Variants in KLK15 observed in about 807,000 individuals in gnomAD.
KLK15 encodes the protein kallikrein-15.
Under a neutral mutation model 21.1 loss-of-function variants are expected in KLK15, and 19 were observed. The ratio of observed to expected loss-of-function variants is 0.90; its 90% CI spans 0.63 to 1.32. The LOEUF (loss-of-function observed/expected upper bound fraction) is 1.32, where lower values mean the gene tolerates loss of function less well. Among genes scored for constraint, KLK15 ranks in the 40% most tolerant of loss-of-function variants. The pLI, the probability that KLK15 is intolerant of heterozygous loss-of-function variation, is 0.00. For synonymous variants in KLK15, 141 were observed against 141.5 expected, an observed-to-expected ratio of 1.00 and a Z score of 0.03; for missense variants, 345 against 348.6, an observed-to-expected ratio of 0.99 and a Z score of 0.08.
intron 1 of KLK15, among the ~76,000 whole-genome samples, chr19:50,829,011 G>T (rs1030577150): frequency 2.8e-5 from 4 of 141,970 alleles, no homozygotes; most frequent in South Asian, 2.3e-4. Context: ...CAGCACAGAT[G>T]TTCATATGTG....
At chr19:50,829,645 T>A (rs1272884661) in intron 1 of KLK15, among the ~76,000 whole-genome samples, 1 of 151,238 alleles carries the variant, frequency 6.6e-6, no homozygotes, top group African/African-American at 2.4e-5. Flanking sequence ...AAAAAATAAA[T>A]AAATAAATAA....
At chr19:50,831,407 C>T (rs772785016) in intron 1 of KLK15, 43 bp downstream of exon 2, 304 of 1,358,738 alleles carry the variant, frequency 2.2e-4, no homozygotes, top group Non-Finnish European at 2.7e-4. Context: ...GGGAAGGGGG[C>T]ACCTGCTCCC....
chr19:50,831,902 C>T (rs1386325496), upstream of KLK15, among the ~76,000 whole-genome samples: 2 of 152,032 alleles, frequency 1.3e-5, no homozygotes, highest in African/African-American at 2.4e-5. Flanking sequence ...AGCTCCACCT[C>T]CCAGGTTCAC....
At chr19:50,827,406 C>A (rs2089904118) in intron 2 of KLK15, among the ~76,000 whole-genome samples, 1 of 151,736 alleles carries the variant, frequency 6.6e-6, no homozygotes, top group East Asian at 1.9e-4. Context: ...CCAGCCCCCT[C>A]CTGGTCTGTC....
chr19:50,827,677 G>C, exon 2 of KLK15: 2 of 1,610,976 alleles, frequency 1.2e-6, no homozygotes, highest in East Asian at 4.5e-5. Flanking sequence ...TTGGCAGTGG[G>C]CCGCAGACAG....
chr19:50,830,617 CA>C (rs1268531971), intron 1 of KLK15: 1 of 144,554 alleles, frequency 6.9e-6, no homozygotes, highest in Non-Finnish European at 1.6e-5. Flanking sequence ...GTGGGGGTCT[CA>C]GGGGCCCCCA....
chr19:50,831,151 C>A, intron 1 of KLK15: 1 of 299,926 alleles, frequency 3.3e-6, no homozygotes, highest in Non-Finnish European at 6.1e-6. Flanking sequence ...TGAAGCAGTT[C>A]CCTCAAGGAC....
intron 1 of KLK15, among the ~76,000 whole-genome samples, chr19:50,830,118 G>A (rs888007169): frequency 8.6e-5 from 13 of 151,254 alleles, no homozygotes; most frequent in Non-Finnish European, 1.5e-4. Flanking sequence ...TGGAGAGGAT[G>A]TGAACATACA....
At chr19:50,826,360 TCAAA>T in intron 4 of KLK15, 1 of 473,234 alleles carries the variant, frequency 2.1e-6, no homozygotes, top group East Asian at 3.3e-5. Context: ...CCACCCAGAA[TCAAA>T]CCAAACCATT....
chr19:50,828,722 C>G (rs1173724076), intron 1 of KLK15, among the ~76,000 whole-genome samples: 1 of 151,426 alleles, frequency 6.6e-6, no homozygotes, highest in Admixed American at 6.6e-5. Flanking sequence ...AATCCCAGCA[C>G]TTTGGGAGGC....
chr19:50,826,953 C>T lies in KLK15; in HGVS notation c.406G>A (p.Glu136Lys), dbSNP rs749169024. ...CCCCAGCCAGACACCACACAGGCCT[C>T]CCCCGGGTGGGGGCAACGCGTGGGT... is the stretch of plus-strand genomic sequence containing the variant. The change falls in exon 3 of 5, where the codon GAG becomes AAG. Residue 136 changes from glutamate to lysine, a missense_variant. Transcript: ENST00000598239. 3.7e-6 allele frequency: 6 copies of T among 1,603,630 alleles called. No individual in the cohort carries two copies. In the South Asian group the frequency reaches 4.4e-5, roughly 12 times the overall value.
intron 1 of KLK15, among the ~76,000 whole-genome samples, chr19:50,829,225 C>T (rs266113): frequency 0.37 from 56,446 of 151,086 alleles, 11,450 homozygotes; most frequent in Middle Eastern, 0.42. Flanking sequence ...AGCTGTGAAA[C>T]TTTGAGTAAG....
chr19:50,831,987 A>T (rs62113166), upstream of KLK15, among the ~76,000 whole-genome samples: 1 of 149,100 alleles, frequency 6.7e-6, no homozygotes, highest in Non-Finnish European at 1.5e-5. Flanking sequence ...AATTTTTTGG[A>T]AATTTTTTTT....
intron 1 of KLK15, among the ~76,000 whole-genome samples, chr19:50,830,197 T>C (rs551901206): frequency 6.6e-6 from 1 of 150,932 alleles, no homozygotes; most frequent in African/African-American, 2.4e-5. Context: ...AGAATGGCAT[T>C]ATGCTTAAGG....
chr19:50,830,158 T>C (rs1210781662), intron 1 of KLK15, among the ~76,000 whole-genome samples: 2 of 112,298 alleles, frequency 1.8e-5, no homozygotes, highest in African/African-American at 6.3e-5. Context: ...CACACGTGCA[T>C]GTACACACAC....
chr19:50,826,984 C>G lies in KLK15; in HGVS notation c.375G>C (p.Ala125=), dbSNP rs145457913. Residue 125 remains alanine, a synonymous_variant, in exon 3 of 5, where the codon GCG becomes GCC. Coordinates refer to ENST00000598239, the Ensembl canonical transcript of KLK15. ...GGTGGGGGCAACGCGTGGGTAGCAC[C>G]GCGGGGCGCACCTGGGGGTTCAGGC... 3 of 1,606,164 alleles carry G rather than the reference C, an allele frequency of 1.9e-6. No homozygotes were observed. In the African/African-American group the frequency reaches 4.0e-5, roughly 21 times the overall value.
intron 1 of KLK15, among the ~76,000 whole-genome samples, chr19:50,828,200 C>T (rs1309939039): frequency 1.3e-5 from 2 of 151,532 alleles, no homozygotes; most frequent in African/African-American, 4.8e-5. Context: ...CCCGCCTCAG[C>T]CTCCCAAAGT....
At chr19:50,833,371 G>T (rs1419318206), upstream of KLK15, among the ~76,000 whole-genome samples, 1 of 152,138 alleles carries the variant, frequency 6.6e-6, no homozygotes, top group Non-Finnish European at 1.5e-5. Context: ...ACATTTTCTT[G>T]GTTCAGGTTC....
At chr19:50,831,872 C>A (rs1197799883), upstream of KLK15, among the ~76,000 whole-genome samples, 1 of 151,500 alleles carries the variant, frequency 6.6e-6, no homozygotes, top group African/African-American at 2.4e-5. Flanking sequence ...AGTGCAGTGG[C>A]ACAATGTCGG....
Sources: gnomAD v4.1 joint callset for allele counts (sites outside exome capture counted in the v4.1 genomes callset) on GRCh38, gnomAD v4.1.1 for gene constraint, MANE v1.5 for transcripts, NCBI Gene and HGNC (gene_info 2026-07-23, HGNC 2026-07-21) for gene names.